The following CACNB2 variants were observed in gnomAD, a reference collection of about 807,000 sequenced individuals.
The protein encoded by CACNB2 is calcium voltage-gated channel auxiliary subunit beta 2.
Under a neutral mutation model 73.3 loss-of-function variants are expected in CACNB2, and 42 were observed. The ratio of observed to expected loss-of-function variants is 0.57; its 90% CI spans 0.45 to 0.74. CACNB2 has a LOEUF of 0.74. Ranked by LOEUF, CACNB2 falls within the 30% of genes least tolerant of loss-of-function variation. CACNB2 has a pLI of 0.00. For missense variants in CACNB2, 940 were observed against 853.0 expected, an observed-to-expected ratio of 1.10 and a Z score of -1.27; for synonymous variants, 348 against 310.3, an observed-to-expected ratio of 1.12 and a Z score of -1.28.
intron 2 of CACNB2, among the ~76,000 whole-genome samples, chr10:18,341,790 G>C (rs1484634731): frequency 6.6e-6 from 1 of 152,056 alleles, no homozygotes; most frequent in Non-Finnish European, 1.5e-5. Flanking sequence ...AGAAAAAAAT[G>C]CTTGCTAGGA....
intron 2 of CACNB2, among the ~76,000 whole-genome samples, chr10:18,203,812 C>T (rs943695876): frequency 2.0e-5 from 3 of 152,136 alleles, no homozygotes; most frequent in East Asian, 1.9e-4. Flanking sequence ...AATAAAGAAC[C>T]GTAGTTCTTA....
At chr10:18,330,441 A>G (rs890278943) in intron 2 of CACNB2, among the ~76,000 whole-genome samples, 1 of 152,132 alleles carries the variant, frequency 6.6e-6, no homozygotes, top group Non-Finnish European at 1.5e-5. Flanking sequence ...ACTCGAGCCT[A>G]GGAGTTCAAG....
At chr10:18,266,605 C>T (rs908007840) in intron 2 of CACNB2, among the ~76,000 whole-genome samples, 15 of 151,796 alleles carry the variant, frequency 9.9e-5, no homozygotes, top group East Asian at 1.9e-4. Context: ...TAAGTGTGAG[C>T]GGGCCGGGCA....
intron 5 of CACNB2, among the ~76,000 whole-genome samples, chr10:18,501,371 A>G (rs1448808209): frequency 6.6e-6 from 1 of 152,226 alleles, no homozygotes; most frequent in Non-Finnish European, 1.5e-5. Flanking sequence ...AGCTCTTGTC[A>G]TCCGTTAGTT....
At chr10:18,347,762 G>C (rs951305615) in intron 2 of CACNB2, among the ~76,000 whole-genome samples, 1 of 152,086 alleles carries the variant, frequency 6.6e-6, no homozygotes, top group Non-Finnish European at 1.5e-5. Flanking sequence ...TAACAACACA[G>C]GTATTTCTGC....
chr10:18,519,951 A>G, intron 9 of CACNB2: 1 of 334,820 alleles, frequency 3.0e-6, no homozygotes. Flanking sequence ...GGTTTCTGGA[A>G]CCACACTTTT....
In CACNB2 at chr10:18,539,792, C is replaced by CAACAA; in HGVS notation, c.*70_*71insCAAAA. Reference sequence around the variant, plus strand: ...TGTATAACTAACAGCATCCCCAAAACAAAGTCTTTGGGGTCTACACTGCAA... The same window carrying CAACAA: ...TGTATAACTAACAGCATCCCCAAAACAACAAAAAGTCTTTGGGGTCTACACTGCAA... On this transcript the variant is annotated 3_prime_UTR_variant, in exon 14 of 14. Transcript: ENST00000324631. The CAACAA allele has an allele frequency of 4.0e-6, 6 of 1,499,258 alleles. No homozygotes were observed. The South Asian group carries it at 6.0e-5, about 15-fold the overall frequency. The allele number at this position is 1,499,258 out of a possible 1,614,324, so 92.9% of individuals were successfully genotyped here.
Position 18,527,627 on chromosome 10 carries a change from C to G in CACNB2, c.984C>G (p.Ala328=), listed in dbSNP as rs766844045. 6.2e-7 allele frequency: 1 copy of G among 1,613,892 alleles called. No homozygotes were observed. Among genetic ancestry groups the G allele is most frequent in the African/African-American group, 1.3e-5 (1 of 74,894 alleles). The change falls in exon 10 of 14, where the codon GCC becomes GCG. Residue 328 remains alanine, a synonymous_variant. Transcript: ENST00000324631. ...GGGTCACCGCTGACATCTCGCTTGC[C>G]AAACGCTCGGTATTAAACAATCCCA... The part of the protein sequence containing the change: ...ITRVTADISL[A]KRSVLNNPSK...
intron 3 of CACNB2, among the ~76,000 whole-genome samples, chr10:18,469,827 G>T (rs1203910232): frequency 6.6e-6 from 1 of 152,106 alleles, no homozygotes; most frequent in African/African-American, 2.4e-5. Context: ...GGTTGATACA[G>T]TTTCTCTAAA....
chr10:18,274,377 G>T (rs1465427444), intron 2 of CACNB2, among the ~76,000 whole-genome samples: 4 of 152,070 alleles, frequency 2.6e-5, no homozygotes, highest in Non-Finnish European at 4.4e-5. Context: ...GTGACTTAAG[G>T]TTGTGCAAGA....
intron 2 of CACNB2, among the ~76,000 whole-genome samples, chr10:18,198,941 A>G (rs1304151832): frequency 1.3e-5 from 2 of 152,194 alleles, no homozygotes; most frequent in African/African-American, 4.8e-5. Flanking sequence ...TTCAACTTAG[A>G]TTGTTTTGCA....
At position 18,370,271 on chromosome 10, in the gene CACNB2, A is replaced by G. The variant is rs1040947260; in HGVS notation, c.214-31653A>G. Among the ~76,000 whole-genome samples, 7 of 151,958 alleles carry G rather than the reference A, an allele frequency of 4.6e-5. No individual in the cohort carries two copies. In the South Asian group the frequency reaches 1.2e-3, roughly 27 times the overall value. On this transcript the variant is annotated intron_variant, in intron 2 of 13. Transcript: ENST00000324631. ...GGCATTACCGTGGAGCTTGTTAGGA[A>G]TGCAGTCTCAGAAACCACATCTTTT... is the stretch of plus-strand genomic sequence containing the variant.
intron 2 of CACNB2, among the ~76,000 whole-genome samples, chr10:18,255,001 G>A (rs1463601278): frequency 6.6e-6 from 1 of 151,988 alleles, no homozygotes; most frequent in Non-Finnish European, 1.5e-5. Flanking sequence ...TCCTTAGCAT[G>A]AGAGCATCAT....
In CACNB2 at chr10:18,220,245, A is replaced by G. The variant is rs1252696962; in HGVS notation, c.213+69270A>G. 8.8e-3 allele frequency among the ~76,000 whole-genome samples: 866 copies of G among 98,196 alleles called. 69 individuals carry two copies. The highest frequency in any genetic ancestry group is 0.043 in the African/African-American group (805 of 18,716). The allele number at this position is 98,196 out of a possible 152,430, so 64.4% of individuals were successfully genotyped here. On this transcript the variant is annotated intron_variant, in intron 2 of 13. Transcript: ENST00000324631. ...TATATATATATATAGAGAGAGAGAG[A>G]GAGAGAGAGAGAGAGAGAGAGAGAG... is the stretch of plus-strand genomic sequence containing the variant.
At chr10:18,400,410 A>G (rs576827944) in intron 2 of CACNB2, among the ~76,000 whole-genome samples, 1 of 152,334 alleles carries the variant, frequency 6.6e-6, no homozygotes, top group Non-Finnish European at 1.5e-5. Context: ...GAGCCCGATT[A>G]CTATAGAACC....
chr10:18,223,005 C>T (rs1422277521), intron 2 of CACNB2, among the ~76,000 whole-genome samples: 1 of 152,112 alleles, frequency 6.6e-6, no homozygotes, highest in Admixed American at 6.6e-5. Context: ...AACTTTGTTG[C>T]TTTGAGTGTT....
At chr10:18,390,184 G>T (rs563984193) in intron 2 of CACNB2, among the ~76,000 whole-genome samples, 8 of 152,136 alleles carry the variant, frequency 5.3e-5, no homozygotes, top group Non-Finnish European at 1.2e-4. Context: ...TCAAGAAAAG[G>T]CCTGGCACTT....
At chr10:18,199,941 CTGTGTGTGTGTGTGTGTGTGTGTGTGTG>C (rs141377460) in intron 2 of CACNB2, among the ~76,000 whole-genome samples, 2 of 136,412 alleles carry the variant, frequency 1.5e-5, no homozygotes, top group South Asian at 5.2e-4. Flanking sequence ...GTATATGAAA[CTGTGTGTGTGTGTGTGTGTGTGTGTGTG>C]TGTGTGTGTG....
At chr10:18,485,915 T>C (rs1358955801) in intron 3 of CACNB2, among the ~76,000 whole-genome samples, 1 of 25,768 alleles carries the variant, frequency 3.9e-5, no homozygotes, top group African/African-American at 4.0e-4. Flanking sequence ...ATCTGGGTCA[T>C]TTTTTTTTTT....
Sources: gnomAD v4.1 joint callset for allele counts (sites outside exome capture counted in the v4.1 genomes callset) on GRCh38, gnomAD v4.1.1 for gene constraint, MANE v1.5 for transcripts, NCBI Gene and HGNC (gene_info 2026-07-23, HGNC 2026-07-21) for gene names.